ADH1B: variants seen among roughly 807,000 people sequenced by gnomAD.
ADH1B encodes alcohol dehydrogenase 1B (class I), beta polypeptide.
In ADH1B, 29 loss-of-function variants were observed where a neutral mutation model predicts 34.6. The ratio of observed to expected loss-of-function variants is 0.84; its 90% CI spans 0.62 to 1.14. The LOEUF is 1.14. ADH1B is among the 50% of genes most tolerant of loss of function. The pLI is 0.00. For missense variants in ADH1B, 424 were observed against 468.4 expected (o/e 0.91, Z 0.87); for synonymous variants, 170 against 175.5 (o/e 0.97, Z 0.25).
chr4:99,316,167 G>C (rs772986488), intron 4 of ADH1B, 48 bp downstream of exon 4: 12 of 1,614,068 alleles, frequency 7.4e-6, no homozygotes, highest in Non-Finnish European at 1.0e-5. Context: ...AGGAGCATAA[G>C]TAATGTGCAA....
Position 99,318,793 on chromosome 4 carries a change from G to T in ADH1B, c.112C>A (p.Arg38Ser), listed in dbSNP as rs770117532. 5 of 1,610,424 alleles carry T rather than the reference G, an allele frequency of 3.1e-6. No individual in the cohort carries two copies. The highest frequency in any genetic ancestry group is 4.2e-6 in the Non-Finnish European group (5 of 1,178,410). ...ATGGAAAAATATTTCACCTTAATGC[G>T]AACTTCATAAGCCTTAGGAGGTGCA... is the stretch of plus-strand genomic sequence containing the variant. ...EVAPPKAYEV[R>S]IKMVAVGICH... Residue 38 changes from arginine to serine, a missense_variant, in exon 2 of 9, where the codon CGC becomes AGC. Transcript: ENST00000305046.
At chr4:99,310,718 C>G (rs748561821) in intron 8 of ADH1B, 47 bp downstream of exon 8, 1 of 1,588,776 alleles carries the variant, frequency 6.3e-7, no homozygotes, top group East Asian at 2.2e-5. Context: ...TAGACAATCC[C>G]CTATGGTAGA....
In ADH1B at chr4:99,321,375, G is replaced by C; in HGVS notation, c.-44C>G. 1 of 1,599,242 alleles carries C rather than the reference G, an allele frequency of 6.3e-7. No homozygotes were observed. Among genetic ancestry groups the C allele is most frequent in the Non-Finnish European group, 8.5e-7 (1 of 1,169,718 alleles). ...GCCCACCAGCAGACTGTGAGTCTTT[G>C]TGGATTTCTTCTCTGCTTGAGTGCA... is the stretch of plus-strand genomic sequence containing the variant. On this transcript the variant is annotated 5_prime_UTR_variant, in exon 1 of 9. Transcript: ENST00000305046.
Position 99,318,894 on chromosome 4 carries a change from A to G in ADH1B, c.19-8T>C. 1 of 1,611,416 alleles carries G rather than the reference A, an allele frequency of 6.2e-7. No homozygotes were observed. Among genetic ancestry groups the G allele is most frequent in the Non-Finnish European group, 8.5e-7 (1 of 1,177,604 alleles). On this transcript the variant is annotated splice_polypyrimidine_tract_variant and splice_region_variant and intron_variant, in intron 1 of 8. Transcript: ENST00000305046. ...TGCTTTGCATTTGATTACCTAGAAA[A>G]TCAAACAGAGAGATGGTGACAGTGT...
chr4:99,313,567 A>G (rs1163602475), intron 6 of ADH1B: 3 of 520,856 alleles, frequency 5.8e-6, no homozygotes, highest in Non-Finnish European at 9.8e-6. Context: ...AAGTAAATCT[A>G]TAATTGCTCA....
chr4:99,305,396 T>C lies in ADH1B; in HGVS notation c.*2444A>G. On this transcript the variant is annotated 3_prime_UTR_variant, in exon 9 of 9. Coordinates refer to ENST00000305046, the MANE Select transcript of ADH1B (RefSeq NM_000668.6). ...AGCCATGCACATTTTCTCCCTGTCT[T>C]CAGTCCTGTGTCTGTCACTCTCATA... The C allele has an allele frequency of 6.7e-6, 1 of 150,306 alleles. No individual in the cohort carries two copies. Among genetic ancestry groups the C allele is most frequent in the Non-Finnish European group, 1.5e-5 (1 of 67,704 alleles). 9.3% of individuals were successfully genotyped at this position (150,306 alleles called of 1,614,324 possible). A position where few individuals can be genotyped will look rare whatever the true frequency, so the allele number is the denominator to read the frequency against.
At chr4:99,308,110 C>G (rs1789880) in intron 8 of ADH1B, among the ~76,000 whole-genome samples, 6,209 of 152,076 alleles carry the variant, frequency 0.041, 144 homozygotes, top group Admixed American at 0.056. Context: ...CATTTCAATT[C>G]TACATTAATT....
chr4:99,316,541 A>T (rs946936260), intron 3 of ADH1B: 1 of 520,216 alleles, frequency 1.9e-6, no homozygotes, highest in African/African-American at 1.9e-5. Flanking sequence ...CACAGATTAA[A>T]AAAATTACTT....
At chr4:99,314,158 G>T (rs770039399) in intron 5 of ADH1B, 77 bp from the exon 6 acceptor site, 2 of 1,563,488 alleles carry the variant, frequency 1.3e-6, no homozygotes, top group South Asian at 1.2e-5. Context: ...AGTGCCATGC[G>T]TAGGTGTTTA....
rs764180794 is a variant in ADH1B at position 99,318,192 on chromosome 4, A to T, written c.121-8T>A. The T allele has an allele frequency of 1.2e-6, 2 of 1,613,952 alleles. No homozygotes were observed. The highest frequency in any genetic ancestry group is 1.7e-6 in the Non-Finnish European group (2 of 1,179,934). The stretch of plus-strand genomic sequence containing the variant: ...GATTCCTACAGCCACCATCTACAGA[A>T]TAAAGAGAAGCTGTTCAGATTCAGA... On this transcript the variant is annotated splice_polypyrimidine_tract_variant and splice_region_variant and intron_variant, in intron 2 of 8. Transcript: ENST00000305046.
intron 8 of ADH1B, among the ~76,000 whole-genome samples, chr4:99,308,329 T>C (rs188231961): frequency 5.3e-5 from 8 of 150,510 alleles, no homozygotes; most frequent in Non-Finnish European, 1.5e-5. Flanking sequence ...AACTGAGACT[T>C]AGAAAGATTT....
Position 99,318,074 on chromosome 4 carries a change from A to G in ADH1B, c.231T>C (p.Val77=), listed in dbSNP as rs111315917. 8 of 1,613,904 alleles carry G rather than the reference A, an allele frequency of 5.0e-6. No individual in the cohort carries two copies. The highest frequency in any genetic ancestry group is 5.1e-6 in the Non-Finnish European group (6 of 1,179,980). Residue 77 remains valine (V), a synonymous_variant, in exon 3 of 9, where the codon GTT becomes GTC. Transcript: ENST00000305046. The part of the protein sequence containing the change: ...GHEAAGIVES[V]GEGVTTVKPG... ...GTTTGACTGTAGTCACCCCTTCTCC[A>G]ACACTCTCCACGATGCCGGCTGCCT...
Position 99,307,169 on chromosome 4 carries a change from T to A in ADH1B, c.*671A>T, listed in dbSNP as rs1486408720. The A allele has an allele frequency of 6.6e-6, 1 of 152,208 alleles. No homozygotes were observed. The highest frequency in any genetic ancestry group is 1.5e-5 in the Non-Finnish European group (1 of 68,026). The allele number at this position is 152,208 out of a possible 1,614,324, so 9.4% of individuals were successfully genotyped here. A position where few individuals can be genotyped will look rare whatever the true frequency, so the allele number is the denominator to read the frequency against. ...AGGCTTTGTCATATGAAGCAAGAAA[T>A]CTGCTATTATTTTAAAAAATCAATT... On this transcript the variant is annotated 3_prime_UTR_variant, in exon 9 of 9. Coordinates refer to ENST00000305046, the MANE Select transcript of ADH1B (RefSeq NM_000668.6).
At chr4:99,318,965 A>C in intron 1 of ADH1B, 79 bp from the exon 2 acceptor site, 1 of 1,457,558 alleles carries the variant, frequency 6.9e-7, no homozygotes, top group Non-Finnish European at 9.6e-7. Context: ...ATCTTTGTAC[A>C]TGTAATATTG....
At chr4:99,318,428 T>C in intron 2 of ADH1B, 2 of 572,328 alleles carry the variant, frequency 3.5e-6, no homozygotes, top group South Asian at 4.9e-5. Context: ...TTCTGAAATA[T>C]TTAAGTCTTA....
chr4:99,311,455 TTATATTGAGATTAATGAGA>T (rs1733751825), intron 7 of ADH1B, 47 bp downstream of exon 7: 7 of 1,532,954 alleles, frequency 4.6e-6, no homozygotes, highest in African/African-American at 4.1e-5. Context: ...TATATTGAGA[TTATATTGAGATTAATGAGA>T]TATATTGAGA....
intron 8 of ADH1B, among the ~76,000 whole-genome samples, chr4:99,308,814 T>C (rs2110628783): frequency 6.6e-6 from 1 of 152,212 alleles, no homozygotes; most frequent in African/African-American, 2.4e-5. Context: ...CTCAATGTTT[T>C]CTTGAATTTC....
chr4:99,319,905 CA>C (rs1333400388), intron 1 of ADH1B: 2 of 151,846 alleles, frequency 1.3e-5, no homozygotes, highest in Non-Finnish European at 2.9e-5. Context: ...TGGTCAATGC[CA>C]AAATAAATAC....
At chr4:99,321,177 G>T in intron 1 of ADH1B, 137 bp downstream of exon 1, 2 of 724,430 alleles carry the variant, frequency 2.8e-6, no homozygotes, top group South Asian at 1.7e-5. Context: ...ACATATTGAG[G>T]TGTATATTGC....
Sources: gnomAD v4.1 joint callset for allele counts (sites outside exome capture counted in the v4.1 genomes callset) on GRCh38, gnomAD v4.1.1 for gene constraint, MANE v1.5 for transcripts, NCBI Gene and HGNC (gene_info 2026-07-23, HGNC 2026-07-21) for gene names.